CYSLTR1: variants seen among roughly 807,000 people sequenced by gnomAD.
The protein encoded by CYSLTR1 is G-protein coupled receptor HG55.
CYSLTR1 carries 1 observed loss-of-function variant against 2.1 expected under a neutral mutation model. The ratio of observed to expected loss-of-function variants is 0.48; its 90% CI spans 0.17 to 2.28. The LOEUF (loss-of-function observed/expected upper bound fraction) is 2.28, where lower values mean the gene tolerates loss of function less well. Ranked by LOEUF, CYSLTR1 falls within the 30% of genes most tolerant of loss-of-function variation. The pLI is 0.26. For missense variants in CYSLTR1, 299 were observed against 250.1 expected (o/e 1.20, Z -1.32); for synonymous variants, 110 against 89.6 (o/e 1.23, Z -1.28).
At chrX:78,284,135 C>T (rs1032984411) in intron 1 of CYSLTR1, among the ~76,000 whole-genome samples, 1 of 111,875 alleles carries the variant, frequency 8.9e-6, no homozygotes, top group Non-Finnish European at 1.9e-5. Flanking sequence ...GTTAACTTTT[C>T]ATAAGCATAT....
intron 1 of CYSLTR1, among the ~76,000 whole-genome samples, chrX:78,293,369 C>A (rs1017045854): frequency 8.9e-6 from 1 of 111,837 alleles, no homozygotes; most frequent in East Asian, 2.8e-4. Flanking sequence ...ATGGGCTTCC[C>A]TTTTTGGGTC....
Position 78,309,852 on chromosome X carries a change from A to G in CYSLTR1, c.-115+17453T>C, listed in dbSNP as rs767937027. Reference sequence around the variant, plus strand: ...AGAATTAGTGGCAGAGTAAAGACAAACCATATAATTAAGTTTCAGATTCCA... The same window carrying G: ...AGAATTAGTGGCAGAGTAAAGACAAGCCATATAATTAAGTTTCAGATTCCA... On this transcript the variant is annotated intron_variant, in intron 1 of 2. Coordinates refer to ENST00000373304, the MANE Select transcript of CYSLTR1 (RefSeq NM_006639.4). 1.2e-4 allele frequency among the ~76,000 whole-genome samples: 13 copies of G among 111,620 alleles called. No homozygotes were observed. The East Asian group carries it at 3.7e-3, about 31-fold the overall frequency.
At chrX:78,284,695 C>T (rs1921980164) in intron 1 of CYSLTR1, among the ~76,000 whole-genome samples, 2 of 108,184 alleles carry the variant, frequency 1.8e-5, no homozygotes, top group African/African-American at 6.8e-5. Context: ...AGCCACTACA[C>T]CTGGCCCCTT....
chrX:78,282,676 G>C (rs2149184785), intron 2 of CYSLTR1, among the ~76,000 whole-genome samples: 1 of 111,695 alleles, frequency 9.0e-6, no homozygotes, highest in South Asian at 3.8e-4. Context: ...TGAGGCAGGA[G>C]GATTGCTTGA....
At chrX:78,294,947 G>C (rs1922512902) in intron 1 of CYSLTR1, among the ~76,000 whole-genome samples, 1 of 112,476 alleles carries the variant, frequency 8.9e-6, no homozygotes, top group African/African-American at 3.2e-5. Flanking sequence ...CAGGTGAGGT[G>C]ACAACCCGCC....
intron 2 of CYSLTR1, among the ~76,000 whole-genome samples, chrX:78,282,152 C>T (rs1271812333): frequency 8.9e-6 from 1 of 111,922 alleles, no homozygotes; most frequent in Non-Finnish European, 1.9e-5. Flanking sequence ...CCTGAAATGT[C>T]CTTTCCTCCT....
chrX:78,301,127 G>A (rs1236543637), intron 1 of CYSLTR1, among the ~76,000 whole-genome samples: 5 of 112,081 alleles, frequency 4.5e-5, no homozygotes, highest in Non-Finnish European at 9.4e-5. Flanking sequence ...CCTGGCCCAT[G>A]AAACCATTTT....
chrX:78,324,159 A>G (rs1054474397), intron 1 of CYSLTR1, among the ~76,000 whole-genome samples: 4 of 111,905 alleles, frequency 3.6e-5, no homozygotes, highest in Non-Finnish European at 5.6e-5. Flanking sequence ...CTACTAATCC[A>G]TAAAGAAATC....
intron 1 of CYSLTR1, among the ~76,000 whole-genome samples, chrX:78,325,961 T>G (rs993292750): frequency 1.8e-5 from 2 of 111,988 alleles, no homozygotes; most frequent in Non-Finnish European, 3.8e-5. Flanking sequence ...TGATGATTCT[T>G]GATTAGGAAT....
chrX:78,318,334 A>T (rs1382048053), intron 1 of CYSLTR1, among the ~76,000 whole-genome samples: 1 of 112,105 alleles, frequency 8.9e-6, no homozygotes, highest in Non-Finnish European at 1.9e-5. Flanking sequence ...TAGCTAAATG[A>T]TGAGCACTCA....
intron 1 of CYSLTR1, among the ~76,000 whole-genome samples, chrX:78,314,280 A>T (rs968626501): frequency 2.7e-5 from 3 of 111,855 alleles, no homozygotes; most frequent in African/African-American, 9.8e-5. Context: ...TCACCCACAG[A>T]ATTCAAATTT....
At chrX:78,303,701 G>C (rs769266078) in intron 1 of CYSLTR1, among the ~76,000 whole-genome samples, 1 of 111,878 alleles carries the variant, frequency 8.9e-6, no homozygotes, top group Non-Finnish European at 1.9e-5. Context: ...GTCAAAATCA[G>C]TGACAATTGT....
intron 1 of CYSLTR1, among the ~76,000 whole-genome samples, chrX:78,315,543 T>C (rs1923384343): frequency 9.0e-6 from 1 of 110,763 alleles, no homozygotes; most frequent in Non-Finnish European, 1.9e-5. Flanking sequence ...GTAGGGTGAG[T>C]CCCAGGCTGG....
chrX:78,285,070 A>T (rs1922003985), intron 1 of CYSLTR1, among the ~76,000 whole-genome samples: 2 of 111,234 alleles, frequency 1.8e-5, no homozygotes, highest in Non-Finnish European at 3.8e-5. Context: ...TATTTTTTTT[A>T]AGTTTGTTTA....
chrX:78,294,678 T>TTTGTTTACC (rs1922500957), intron 1 of CYSLTR1, among the ~76,000 whole-genome samples: 1 of 112,579 alleles, frequency 8.9e-6, no homozygotes, highest in Non-Finnish European at 1.9e-5. Flanking sequence ...TACTCATGCC[T>TTTGTTTACC]CAGCAATGGT....
intron 1 of CYSLTR1, among the ~76,000 whole-genome samples, chrX:78,308,728 C>T (rs1923117562): frequency 8.9e-6 from 1 of 111,885 alleles, no homozygotes; most frequent in African/African-American, 3.2e-5. Flanking sequence ...CATTTATGTA[C>T]TTGGCTTAGT....
Position 78,272,673 on chromosome X carries a change from T to A in CYSLTR1, c.*60A>T. On this transcript the variant is annotated 3_prime_UTR_variant, in exon 3 of 3. Coordinates refer to ENST00000373304, the MANE Select transcript of CYSLTR1 (RefSeq NM_006639.4). Reference sequence around the variant, plus strand: ...AATTTTTATTTTTTTTGTAAATGATTTGACAAAATACTTATTTGGGAAACT... The same window carrying A: ...AATTTTTATTTTTTTTGTAAATGATATGACAAAATACTTATTTGGGAAACT... 9.7e-7 allele frequency: 1 copy of A among 1,035,470 alleles called. No homozygotes were observed. The highest frequency in any genetic ancestry group is 1.3e-6 in the Non-Finnish European group (1 of 789,511). 85.3% of individuals were successfully genotyped at this position (1,035,470 alleles called of 1,213,427 possible). A position where few individuals can be genotyped will look rare whatever the true frequency, so the allele number is the denominator to read the frequency against.
chrX:78,285,379 G>A (rs900720197), intron 1 of CYSLTR1, among the ~76,000 whole-genome samples: 3 of 94,762 alleles, frequency 3.2e-5, no homozygotes, highest in African/African-American at 4.1e-5. Flanking sequence ...CCGAGATCGC[G>A]CCACTTCACT....
At chrX:78,274,997 A>G (rs1300385582) in intron 2 of CYSLTR1, among the ~76,000 whole-genome samples, 1 of 111,864 alleles carries the variant, frequency 8.9e-6, no homozygotes, top group African/African-American at 3.2e-5. Flanking sequence ...ATCACTGGCC[A>G]TCAGAGAAAT....
Sources: gnomAD v4.1 joint callset for allele counts (sites outside exome capture counted in the v4.1 genomes callset) on GRCh38, gnomAD v4.1.1 for gene constraint, MANE v1.5 for transcripts, NCBI Gene and HGNC (gene_info 2026-07-23, HGNC 2026-07-21) for gene names.